MYOT: variants seen among roughly 807,000 people sequenced by gnomAD.
MYOT encodes myotilin.
Under a neutral mutation model 58.0 loss-of-function variants are expected in MYOT, and 36 were observed. That is an observed-to-expected ratio of 0.62 (90% CI 0.48 to 0.82). The LOEUF (loss-of-function observed/expected upper bound fraction) is 0.82. Ranked by LOEUF, MYOT falls within the 40% of genes least tolerant of loss-of-function variation. MYOT has a pLI of 0.00. For synonymous variants in MYOT, 218 were observed against 204.6 expected, an observed-to-expected ratio of 1.07 and a Z score of -0.56; for missense variants, 505 against 592.1, an observed-to-expected ratio of 0.85 and a Z score of 1.53.
In MYOT at chr5:137,870,730, G is replaced by C; in HGVS notation, c.79G>C (p.Glu27Gln). 3 of 1,614,182 alleles carry C rather than the reference G, an allele frequency of 1.9e-6. No homozygotes were observed. Among genetic ancestry groups the C allele is most frequent in the Admixed American group, 1.7e-5 (1 of 60,018 alleles). ...CTCCAGATTGCAGCCTCCTGGACCA[G>C]AAACCTCCAGCTTCTCTAGCCAGAC... is the stretch of plus-strand genomic sequence containing the variant. Reference protein sequence around the residue: ...CGSRLQPPGPETSSFSSQTKQ... With the variant: ...CGSRLQPPGPQTSSFSSQTKQ... Residue 27 changes from glutamate to glutamine, a missense_variant, in exon 2 of 10, where the codon GAA (glutamate) becomes CAA (glutamine). By Grantham distance (29) the Glu-to-Gln change is conservative. Transcript: ENST00000239926.
At position 137,880,842 on chromosome 5, in the gene MYOT, G is replaced by A. The variant is rs775405759; in HGVS notation, c.660G>A (p.Leu220=). 1 of 1,611,942 alleles carries A rather than the reference G, an allele frequency of 6.2e-7. No homozygotes were observed. Among genetic ancestry groups the A allele is most frequent in the East Asian group, 2.2e-5 (1 of 44,800 alleles). Residue 220 remains leucine (L), a synonymous_variant, in exon 5 of 10, where the codon CTG becomes CTA. Transcript: ENST00000239926. ...SQQHNSEHAR[L]QVPTSQVRSR... ...AACACAACTCAGAACATGCGCGACTGCAAGTTCCTACATCACAAGTAAGGT... is the reference window on the plus strand; with the variant it reads ...AACACAACTCAGAACATGCGCGACTACAAGTTCCTACATCACAAGTAAGGT...
intron 6 of MYOT, chr5:137,882,836 C>T (rs1407651616): frequency 6.4e-6 from 1 of 155,800 alleles, no homozygotes; most frequent in African/African-American, 2.4e-5. Flanking sequence ...TTTTGGAGAA[C>T]TTTTCCTTAT....
At chr5:137,868,264 T>C (rs1038926375) in intron 1 of MYOT, among the ~76,000 whole-genome samples, 12 of 152,176 alleles carry the variant, frequency 7.9e-5, no homozygotes, top group South Asian at 4.1e-4. Flanking sequence ...CCTCTATCAG[T>C]CTTCTGTGCA....
At chr5:137,868,360 G>C (rs1445832578) in intron 1 of MYOT, among the ~76,000 whole-genome samples, 1 of 152,020 alleles carries the variant, frequency 6.6e-6, no homozygotes, top group Non-Finnish European at 1.5e-5. Context: ...AAAAATCTTT[G>C]AAATTCATTT....
At position 137,887,443 on chromosome 5, in the gene MYOT, A is replaced by G. The variant is rs1561666732; in HGVS notation, c.*58A>G. ...CACCATTAGTAATATATTTGATTACATTTTTTTGAAATTAATCCATAGCTG... is the reference window on the plus strand; with the variant it reads ...CACCATTAGTAATATATTTGATTACGTTTTTTTGAAATTAATCCATAGCTG... On this transcript the variant is annotated 3_prime_UTR_variant, in exon 10 of 10. Coordinates refer to ENST00000239926, the MANE Select transcript of MYOT (RefSeq NM_006790.3). 6.4e-7 allele frequency: 1 copy of G among 1,557,822 alleles called. No homozygotes were observed. Among genetic ancestry groups the G allele is most frequent in the African/African-American group, 1.4e-5 (1 of 73,400 alleles).
At chr5:137,869,780 T>C (rs749136705) in intron 1 of MYOT, among the ~76,000 whole-genome samples, 1 of 151,942 alleles carries the variant, frequency 6.6e-6, no homozygotes, top group African/African-American at 2.4e-5. Flanking sequence ...AACTAGGAAG[T>C]ATAATCTAAA....
In MYOT at chr5:137,877,538, A is replaced by C. The variant is rs200912692; in HGVS notation, c.550A>C (p.Lys184Gln). Residue 184 changes from lysine to glutamine, a missense_variant, in exon 4 of 10, where the codon AAG becomes CAG. Transcript: ENST00000239926. ...NGNQRLTYEE[K>Q]MARRLLGPQN... ...TCTAAAGCGTCTAACATATGAAGAG[A>C]AGATGGCTCGCAGATTGCTAGGACC... 6.2e-7 allele frequency: 1 copy of C among 1,613,274 alleles called. No individual in the cohort carries two copies. The highest frequency in any genetic ancestry group is 1.3e-5 in the African/African-American group (1 of 75,010).
intron 4 of MYOT, 66 bp downstream of exon 4, chr5:137,877,687 A>G: frequency 9.0e-7 from 1 of 1,111,578 alleles, no homozygotes; most frequent in Non-Finnish European, 1.4e-6. Flanking sequence ...TGCTTTTCTA[A>G]ATGCTTATAA....
rs1580853634 is a variant in MYOT, at chr5:137,875,988, T to C, written c.516T>C (p.Leu172=). 5 of 1,614,004 alleles carry C rather than the reference T, an allele frequency of 3.1e-6. No individual in the cohort carries two copies. In the East Asian group the frequency reaches 1.1e-4, roughly 36 times the overall value. ...AGCTGAAATGCAAGGACACCCTTCT[T>C]CATAATGGAAATCAAGTGGGCAAGA... ...ERKLKCKDTL[L]HNGNQRLTYE... The change falls in exon 3 of 10, where the codon CTT becomes CTC. Residue 172 remains leucine (L), a synonymous_variant. Transcript: ENST00000239926.
intron 2 of MYOT, 33 bp from the exon 3 acceptor site, chr5:137,875,796 T>C (rs2149981937): frequency 6.2e-7 from 1 of 1,611,708 alleles, no homozygotes; most frequent in Non-Finnish European, 8.5e-7. Flanking sequence ...CAAGACCTTC[T>C]TTTTAAAAAT....
chr5:137,870,421 AT>A lies in MYOT; in HGVS notation c.-211-18del, dbSNP rs2149978552. The A allele has an allele frequency of 1.7e-6, 1 of 597,332 alleles. No homozygotes were observed. Among genetic ancestry groups the A allele is most frequent in the East Asian group, 2.8e-5 (1 of 35,924 alleles). The allele number at this position is 597,332 out of a possible 1,614,324, so 37.0% of individuals were successfully genotyped here. On this transcript the variant is annotated intron_variant, in intron 1 of 9. Transcript: ENST00000239926. ...TATTGTTTAAGCAAATATTGTAACA[AT>A]TATTTTCTCCTTTTGAAGGAACAAT...
chr5:137,885,658 G>T (rs1477181878), intron 7 of MYOT, among the ~76,000 whole-genome samples: 1 of 150,992 alleles, frequency 6.6e-6, no homozygotes. Context: ...TGTAATCCCA[G>T]CTACTCAGGA....
intron 4 of MYOT, 101 bp from the exon 5 acceptor site, chr5:137,880,715 C>A: frequency 2.0e-6 from 2 of 1,016,848 alleles, no homozygotes; most frequent in Non-Finnish European, 3.1e-6. Flanking sequence ...TGTTCAAATA[C>A]AGCCAAAATA....
chr5:137,872,066 A>C (rs1257053883), intron 2 of MYOT, among the ~76,000 whole-genome samples: 1 of 152,158 alleles, frequency 6.6e-6, no homozygotes, highest in Non-Finnish European at 1.5e-5. Flanking sequence ...GCAAAAAAAA[A>C]CCTTTTCAAT....
In MYOT at chr5:137,882,241, G is replaced by C. The variant is rs560455383; in HGVS notation, c.816+136G>C. ...AGAACACAAATTCTGAAGTCAAACTGATGTGGGTTTGAATTCTGGCTCTGC... is the reference window on the plus strand; with the variant it reads ...AGAACACAAATTCTGAAGTCAAACTCATGTGGGTTTGAATTCTGGCTCTGC... On this transcript the variant is annotated intron_variant, in intron 6 of 9. Transcript: ENST00000239926. The C allele has an allele frequency of 8.3e-5, 83 of 1,005,150 alleles. 1 individual carries two copies. The East Asian group carries it at 2.1e-3, about 25-fold the overall frequency. 62.3% of individuals were successfully genotyped at this position (1,005,150 alleles called of 1,614,324 possible).
rs1755647773 is a variant in MYOT at position 137,887,560 on chromosome 5, C to T, written c.*175C>T. On this transcript the variant is annotated 3_prime_UTR_variant, in exon 10 of 10. Transcript: ENST00000239926. ...TGACTCTTGCACATTCTATGTACCC[C>T]TCCGATTTGTGAAGCCTACAGGAAA... 2.7e-6 allele frequency: 1 copy of T among 365,806 alleles called. No individual in the cohort carries two copies. Among genetic ancestry groups the T allele is most frequent in the African/African-American group, 2.2e-5 (1 of 46,172 alleles). 22.7% of individuals were successfully genotyped at this position (365,806 alleles called of 1,614,324 possible). A position where few individuals can be genotyped will look rare whatever the true frequency, so the allele number is the denominator to read the frequency against.
rs1278718129 is a variant in MYOT at position 137,876,124 on chromosome 5, A to C, written c.531+121A>C. ...CAACAAGGAATAAGATTATCTAAAA[A>C]GAAGGAATATTTGGGCCCTATTCCA... On this transcript the variant is annotated intron_variant, in intron 3 of 9. Transcript: ENST00000239926. The C allele has an allele frequency of 2.8e-6, 3 of 1,081,818 alleles. No individual in the cohort carries two copies. In the East Asian group the frequency reaches 7.7e-5, roughly 28 times the overall value. The allele number at this position is 1,081,818 out of a possible 1,614,324, so 67.0% of individuals were successfully genotyped here. A position where few individuals can be genotyped will look rare whatever the true frequency, so the allele number is the denominator to read the frequency against.
chr5:137,877,094 C>T (rs1221606441), intron 3 of MYOT, among the ~76,000 whole-genome samples: 5 of 151,124 alleles, frequency 3.3e-5, no homozygotes, highest in Non-Finnish European at 7.4e-5. Context: ...ATCAGCCGAG[C>T]GCAGTGGCTC....
At chr5:137,876,794 A>C (rs1234601817) in intron 3 of MYOT, among the ~76,000 whole-genome samples, 1 of 151,966 alleles carries the variant, frequency 6.6e-6, no homozygotes, top group Non-Finnish European at 1.5e-5. Flanking sequence ...ACAGAGTGAG[A>C]CTCTGTCTCA....
Sources: gnomAD v4.1 joint callset for allele counts (sites outside exome capture counted in the v4.1 genomes callset) on GRCh38, gnomAD v4.1.1 for gene constraint, MANE v1.5 for transcripts, NCBI Gene and HGNC (gene_info 2026-07-23, HGNC 2026-07-21) for gene names.